Variants in DTHD1 observed in about 807,000 individuals in gnomAD.
The protein encoded by DTHD1 is death domain containing 1.
In DTHD1, 59 loss-of-function variants were observed where a neutral mutation model predicts 74.8. The observed-to-expected ratio is 0.79, with a 90% CI of 0.64 to 0.98. The LOEUF (loss-of-function observed/expected upper bound fraction) is 0.98, where lower values mean the gene tolerates loss of function less well. Among genes scored for constraint, DTHD1 ranks in the 50% least tolerant of loss-of-function variants. The pLI is 0.00. For synonymous variants in DTHD1, 365 were observed against 371.1 expected (o/e 0.98, Z 0.19); for missense variants, 1,051 against 1,065.4 (o/e 0.99, Z 0.19).
At chr4:36,339,954 A>G (rs1473270685) in intron 9 of DTHD1, among the ~76,000 whole-genome samples, 2 of 152,258 alleles carry the variant, frequency 1.3e-5, no homozygotes, top group African/African-American at 4.8e-5. Flanking sequence ...ACAGCAATAG[A>G]TAAAAGCTTT....
intron 5 of DTHD1, among the ~76,000 whole-genome samples, chr4:36,299,757 A>G (rs962869146): frequency 6.6e-6 from 1 of 152,154 alleles, no homozygotes; most frequent in Non-Finnish European, 1.5e-5. Context: ...TTCACATTCC[A>G]GTTTGAAATG....
At chr4:36,324,468 C>T (rs553167564) in intron 8 of DTHD1, among the ~76,000 whole-genome samples, 2 of 152,300 alleles carry the variant, frequency 1.3e-5, no homozygotes, top group East Asian at 3.9e-4. Flanking sequence ...TGTGTTTGCA[C>T]TTATTCTCTT....
At position 36,344,010 on chromosome 4, in the gene DTHD1, AG is replaced by A. The variant is rs1427665567; in HGVS notation, c.*187del. On this transcript the variant is annotated 3_prime_UTR_variant, in exon 10 of 10. Transcript: ENST00000639862. ...ATAATAGAAAGCATTCCTGGGTGTG[AG>A]CGCTCCTCTCTGGTTGAGTGATTAT... 1 of 622,008 alleles carries A rather than the reference AG, an allele frequency of 1.6e-6. No homozygotes were observed. Among genetic ancestry groups the A allele is most frequent in the East Asian group, 2.9e-5 (1 of 34,890 alleles). 38.5% of individuals were successfully genotyped at this position (622,008 alleles called of 1,614,324 possible).
chr4:36,310,936 C>T (rs569565216), intron 7 of DTHD1, among the ~76,000 whole-genome samples: 8 of 152,242 alleles, frequency 5.3e-5, no homozygotes, highest in East Asian at 1.9e-4. Context: ...GAAACCACAG[C>T]GTCCACCCTG....
chr4:36,295,184 A>T lies in DTHD1; in HGVS notation c.1643+145A>T, dbSNP rs1048574303. On this transcript the variant is annotated intron_variant, in intron 5 of 9. Coordinates refer to ENST00000639862, the MANE Select transcript of DTHD1 (RefSeq NM_001170700.3). ...TTAATCTAGAAAGAAGATATTGTGG[A>T]TCCACAAAAGGTAATAATTTTAGCT... is the stretch of plus-strand genomic sequence containing the variant. The T allele has an allele frequency of 1.8e-5, 20 of 1,125,216 alleles. No individual in the cohort carries two copies. In the East Asian group the frequency reaches 3.3e-4, roughly 19 times the overall value. The allele number at this position is 1,125,216 out of a possible 1,614,324, so 69.7% of individuals were successfully genotyped here.
At chr4:36,339,876 T>C (rs1759221321) in intron 9 of DTHD1, among the ~76,000 whole-genome samples, 1 of 152,208 alleles carries the variant, frequency 6.6e-6, no homozygotes, top group African/African-American at 2.4e-5. Context: ...ATAAACACCA[T>C]ATTATAAACC....
intron 7 of DTHD1, among the ~76,000 whole-genome samples, chr4:36,309,175 C>T (rs1435009819): frequency 6.6e-6 from 1 of 152,340 alleles, no homozygotes; most frequent in Non-Finnish European, 1.5e-5. Flanking sequence ...GTGGCTCACG[C>T]CTGTAATCCC....
intron 7 of DTHD1, among the ~76,000 whole-genome samples, chr4:36,309,921 G>T (rs543823255): frequency 6.6e-6 from 1 of 152,248 alleles, no homozygotes; most frequent in African/African-American, 2.4e-5. Context: ...TGCACCTAAG[G>T]TTTAGCTCCC....
At position 36,344,963 on chromosome 4, in the gene DTHD1, G is replaced by T. The variant is rs1328816623; in HGVS notation, c.*1139G>T. On this transcript the variant is annotated 3_prime_UTR_variant, in exon 10 of 10. Transcript: ENST00000639862. ...CTAAGCTCGAAATAAATTAAAAATA[G>T]AATAACACTTCAGCCATTTACTGGC... 1 of 152,096 alleles carries T rather than the reference G, an allele frequency of 6.6e-6. No individual in the cohort carries two copies. The highest frequency in any genetic ancestry group is 1.9e-4 in the East Asian group (1 of 5,200). The allele number at this position is 152,096 out of a possible 1,614,324, so 9.4% of individuals were successfully genotyped here.
chr4:36,313,640 T>C (rs1277580176), intron 7 of DTHD1, among the ~76,000 whole-genome samples: 1 of 152,214 alleles, frequency 6.6e-6, no homozygotes, highest in Admixed American at 6.5e-5. Flanking sequence ...ACTACATATA[T>C]AAATGTGATC....
In DTHD1 at chr4:36,343,505, C is replaced by T; in HGVS notation, c.2402C>T (p.Ala801Val). Residue 801 changes from alanine (A) to valine (V), a missense_variant, in exon 10 of 10, where the codon GCC becomes GTC. By Grantham distance (64) the Ala-to-Val change is moderately conservative. Transcript: ENST00000639862. ...TKRVSKDPVE[A>V]LWDNLLHWLA... is the part of the protein sequence containing the mutation. ...GTGTTCCTCCTGTGCCTGACAGAAG[C>T]CCTTTGGGATAACTTGCTCCATTGG... 2 of 1,550,544 alleles carry T rather than the reference C, an allele frequency of 1.3e-6. No individual in the cohort carries two copies. The highest frequency in any genetic ancestry group is 1.7e-6 in the Non-Finnish European group (2 of 1,146,332).
At chr4:36,331,494 A>T (rs775089008) in intron 8 of DTHD1, among the ~76,000 whole-genome samples, 2 of 152,146 alleles carry the variant, frequency 1.3e-5, no homozygotes, top group Admixed American at 6.5e-5. Context: ...GAAAAATACT[A>T]ATTATATATA....
chr4:36,314,724 T>C (rs1757605617), intron 7 of DTHD1, among the ~76,000 whole-genome samples: 1 of 148,820 alleles, frequency 6.7e-6, no homozygotes, highest in African/African-American at 2.5e-5. Context: ...AGCTTCGTCT[T>C]GACATTTCTT....
chr4:36,337,256 C>T (rs1759063788), intron 8 of DTHD1, among the ~76,000 whole-genome samples: 1 of 152,008 alleles, frequency 6.6e-6, no homozygotes, highest in African/African-American at 2.4e-5. Flanking sequence ...ACATGGGAGA[C>T]CAACACAGTG....
At chr4:36,316,084 T>C (rs1052347546) in intron 7 of DTHD1, among the ~76,000 whole-genome samples, 158 bp from the exon 8 acceptor site, 2 of 152,130 alleles carry the variant, frequency 1.3e-5, no homozygotes, top group African/African-American at 2.4e-5. Context: ...TACAGGTGCC[T>C]GCCACCACGC....
intron 8 of DTHD1, among the ~76,000 whole-genome samples, chr4:36,318,792 T>A (rs1041799183): frequency 2.0e-4 from 30 of 152,186 alleles, no homozygotes; most frequent in African/African-American, 7.2e-4. Context: ...TTTTTTGTAT[T>A]TTTAGTAGAG....
In DTHD1 at chr4:36,347,354, A is replaced by G. The variant is rs1759637624; in HGVS notation, c.*3530A>G. Among the ~76,000 whole-genome samples, 1 of 152,128 alleles carries G rather than the reference A, an allele frequency of 6.6e-6. No homozygotes were observed. Among genetic ancestry groups the G allele is most frequent in the Non-Finnish European group, 1.5e-5 (1 of 68,006 alleles). On this transcript the variant is annotated 3_prime_UTR_variant, in exon 10 of 10. Coordinates refer to ENST00000639862, the MANE Select transcript of DTHD1 (RefSeq NM_001170700.3). ...CTGTGTGTGGCAATGGTTCATTCTC[A>G]TTAATGTATAATATTCTATTATATG... is the stretch of plus-strand genomic sequence containing the variant.
intron 6 of DTHD1, among the ~76,000 whole-genome samples, 160 bp downstream of exon 6, chr4:36,306,512 G>T (rs1424361279): frequency 2.0e-5 from 3 of 152,144 alleles, no homozygotes; most frequent in Non-Finnish European, 1.5e-5. Context: ...ATTGACATGG[G>T]TATGCTATCT....
Position 36,344,139 on chromosome 4 carries a change from G to GAT in DTHD1, c.*320_*321dup, listed in dbSNP as rs1759475462. ...AAAGCTAAGTGTGAAGAAAAGATCT[G>GAT]ATATATGTAATTACTTATTAATTGG... On this transcript the variant is annotated 3_prime_UTR_variant, in exon 10 of 10. Coordinates refer to ENST00000639862, the MANE Select transcript of DTHD1 (RefSeq NM_001170700.3). 7.9e-6 allele frequency: 2 copies of GAT among 252,540 alleles called. No homozygotes were observed. The highest frequency in any genetic ancestry group is 4.4e-5 in the African/African-American group (2 of 45,058). The allele number at this position is 252,540 out of a possible 1,614,324, so 15.6% of individuals were successfully genotyped here. A position where few individuals can be genotyped will look rare whatever the true frequency, so the allele number is the denominator to read the frequency against.
Sources: gnomAD v4.1 joint callset for allele counts (sites outside exome capture counted in the v4.1 genomes callset) on GRCh38, gnomAD v4.1.1 for gene constraint, MANE v1.5 for transcripts, NCBI Gene and HGNC (gene_info 2026-07-23, HGNC 2026-07-21) for gene names.